The following PHC3 variants were observed in gnomAD, a reference collection of about 807,000 sequenced individuals.
The protein encoded by PHC3 is polyhomeotic homolog 3.
A neutral mutation model predicts 107.4 loss-of-function variants in PHC3; 13 were observed. That is an observed-to-expected ratio of 0.12 (90% CI 0.08 to 0.19). The LOEUF is 0.19. Among genes scored for constraint, PHC3 ranks in the 10% least tolerant of loss-of-function variants. The pLI, the probability that PHC3 is intolerant of heterozygous loss-of-function variation, is 1.00. For synonymous variants in PHC3, 456 were observed against 427.4 expected (o/e 1.07, Z -0.83); for missense variants, 992 against 1,210.9 (o/e 0.82, Z 2.68).
chr3:170,150,806 A>G, intron 4 of PHC3: 1 of 324,700 alleles, frequency 3.1e-6, no homozygotes, highest in African/African-American at 2.3e-5. Context: ...GGTTGTATCT[A>G]TAAAGAGACA....
In PHC3 at chr3:170,092,762, C is replaced by T. The variant is rs1401342267; in HGVS notation, c.*4468G>A. On this transcript the variant is annotated 3_prime_UTR_variant, in exon 15 of 15. Coordinates refer to ENST00000495893, the MANE Select transcript of PHC3 (RefSeq NM_024947.4). ...TATTCTCCAACTGTAATAAAAGGTT[C>T]TCACCTTTTTCAGAAATCAAAAATC... The T allele has an allele frequency of 2.0e-5, 3 of 152,134 alleles. No individual in the cohort carries two copies. The highest frequency in any genetic ancestry group is 2.0e-4 in the Admixed American group (3 of 15,280). The allele number at this position is 152,134 out of a possible 1,614,324, so 9.4% of individuals were successfully genotyped here.
intron 9 of PHC3, 77 bp downstream of exon 9, chr3:170,122,514 A>T: frequency 6.8e-7 from 1 of 1,477,114 alleles, no homozygotes; most frequent in Middle Eastern, 1.8e-4. Flanking sequence ...AAAGGAGGAA[A>T]GGGAAAAAAA....
Position 170,106,935 on chromosome 3 carries a change from C to T in PHC3, c.2365G>A (p.Glu789Lys). ...CACTTGAGCAACTCACTGTCCATTT[C>T]TTCTAATGTCTCTAAAAAAGAAGGA... Reference protein sequence around the residue: ...EDMIAEETLEEMDSELLKCEF... With the variant: ...EDMIAEETLEKMDSELLKCEF... The change falls in exon 12 of 15, where the codon GAA (glutamate) becomes AAA (lysine). Residue 789 changes from glutamate (E) to lysine (K), a missense_variant. Around this residue, in one of 6 missense-constraint regions of PHC3, gnomAD observed 228 missense variants for 288.8 expected, o/e 0.79. Transcript: ENST00000495893. 6.3e-7 allele frequency: 1 copy of T among 1,587,140 alleles called. No homozygotes were observed.
chr3:170,126,928 T>G (rs1158302215), intron 8 of PHC3, among the ~76,000 whole-genome samples: 5 of 151,980 alleles, frequency 3.3e-5, no homozygotes, highest in African/African-American at 1.2e-4. Context: ...AAGTTTTTTT[T>G]TGTTTGTTTT....
At position 170,102,887 on chromosome 3, in the gene PHC3, C is replaced by T. The variant is rs1715749271; in HGVS notation, c.2516G>A (p.Arg839His). 7 of 1,613,434 alleles carry T rather than the reference C, an allele frequency of 4.3e-6. No individual in the cohort carries two copies. Among genetic ancestry groups the T allele is most frequent in the African/African-American group, 1.3e-5 (1 of 74,912 alleles). ...CCCAAGACTTTGATTATCAGGCTTACGATTCCAACGACTAAGTGCAAATTT... is the reference window on the plus strand; with the variant it reads ...CCCAAGACTTTGATTATCAGGCTTATGATTCCAACGACTAAGTGCAAATTT... ...SKKFALSRWN[R>H]KPDNQSLGHR... The change falls in exon 13 of 15, where the codon CGT becomes CAT. Residue 839 changes from arginine to histidine, a missense_variant. Arg to His is a conservative substitution (Grantham distance 29, BLOSUM62 0). Around this residue, in one of 6 missense-constraint regions of PHC3, gnomAD observed 228 missense variants for 288.8 expected, o/e 0.79. Coordinates refer to ENST00000495893, the MANE Select transcript of PHC3 (RefSeq NM_024947.4).
At chr3:170,176,864 C>A (rs1211567881) in intron 2 of PHC3, 1 of 452,090 alleles carries the variant, frequency 2.2e-6, no homozygotes, top group Admixed American at 2.5e-5. Context: ...AGTAGTCTCA[C>A]CCTCATTTTA....
At chr3:170,167,463 TAA>T (rs757443867) in intron 4 of PHC3, among the ~76,000 whole-genome samples, 15 of 152,206 alleles carry the variant, frequency 9.9e-5, no homozygotes, top group Non-Finnish European at 2.1e-4. Flanking sequence ...TTCATGTGTT[TAA>T]AAGTCAAAAC....
intron 4 of PHC3, among the ~76,000 whole-genome samples, chr3:170,154,139 T>A (rs1726501411): frequency 6.6e-6 from 1 of 152,200 alleles, no homozygotes; most frequent in Non-Finnish European, 1.5e-5. Flanking sequence ...TAATAATTTC[T>A]TTAAGGGTGG....
Position 170,096,741 on chromosome 3 carries a change from T to C in PHC3, c.*489A>G, listed in dbSNP as rs1224543704. On this transcript the variant is annotated 3_prime_UTR_variant, in exon 15 of 15. Transcript: ENST00000495893. The stretch of plus-strand genomic sequence containing the variant: ...AGCATATGTCTAAAAGACATGTTTT[T>C]TAAAATGTACACTGATTTCATACGA... 1.3e-5 allele frequency: 2 copies of C among 152,408 alleles called. No individual in the cohort carries two copies. The highest frequency in any genetic ancestry group is 3.8e-4 in the East Asian group (2 of 5,206). 9.4% of individuals were successfully genotyped at this position (152,408 alleles called of 1,614,324 possible).
intron 7 of PHC3, among the ~76,000 whole-genome samples, chr3:170,132,324 A>C (rs1224642259): frequency 6.6e-6 from 1 of 152,188 alleles, no homozygotes; most frequent in Non-Finnish European, 1.5e-5. Context: ...TGACTTGCCC[A>C]AAATCATCTG....
At position 170,181,716 on chromosome 3, in the gene PHC3, C is replaced by A. The variant is rs776005500; in HGVS notation, c.-1G>T. ...TAGTCACTCACTCCGCTTCCGCCATCTTCTCTCCTCCATCACTAACATGGG... is the reference window on the plus strand; with the variant it reads ...TAGTCACTCACTCCGCTTCCGCCATATTCTCTCCTCCATCACTAACATGGG... On this transcript the variant is annotated 5_prime_UTR_variant, in exon 1 of 15. Transcript: ENST00000495893. 1 of 1,613,108 alleles carries A rather than the reference C, an allele frequency of 6.2e-7. No individual in the cohort carries two copies. The highest frequency in any genetic ancestry group is 2.2e-5 in the East Asian group (1 of 44,858).
chr3:170,117,625 T>A, intron 9 of PHC3, 149 bp from the exon 10 acceptor site: 1 of 772,902 alleles, frequency 1.3e-6, no homozygotes, highest in Non-Finnish European at 2.0e-6. Context: ...ATTTAATCTG[T>A]ACAATAATCT....
At chr3:170,132,014 A>G (rs1481361762) in intron 7 of PHC3, among the ~76,000 whole-genome samples, 1 of 152,196 alleles carries the variant, frequency 6.6e-6, no homozygotes, top group Non-Finnish European at 1.5e-5. Flanking sequence ...ATAAGCACAT[A>G]TATTACAGAA....
In PHC3 at chr3:170,131,264, T is replaced by C. The variant is rs1048071524; in HGVS notation, c.920-1712A>G. On this transcript the variant is annotated intron_variant, in intron 7 of 14. Coordinates refer to ENST00000495893, the MANE Select transcript of PHC3 (RefSeq NM_024947.4). ...TCAGTCTTTTAAAACTGTGTTGATA[T>C]AGACTATGCTAAACAGTATTCAAAA... 2.4e-4 allele frequency among the ~76,000 whole-genome samples: 36 copies of C among 152,222 alleles called. No homozygotes were observed. The East Asian group carries it at 3.3e-3, about 14-fold the overall frequency.
intron 12 of PHC3, among the ~76,000 whole-genome samples, chr3:170,105,425 T>G (rs979029556): frequency 6.6e-6 from 1 of 152,242 alleles, no homozygotes; most frequent in African/African-American, 2.4e-5. Flanking sequence ...AAGTATATTT[T>G]GGAAATAACC....
chr3:170,177,053 CAACT>C, intron 2 of PHC3: 2 of 334,426 alleles, frequency 6.0e-6, no homozygotes, highest in Non-Finnish European at 1.2e-5. Context: ...TTTACTTTCT[CAACT>C]AAGTGACTTC....
chr3:170,172,706 G>C lies in PHC3; in HGVS notation c.187C>G (p.Gln63Glu). 1 of 1,601,284 alleles carries C rather than the reference G, an allele frequency of 6.2e-7. No homozygotes were observed. The highest frequency in any genetic ancestry group is 8.5e-7 in the Non-Finnish European group (1 of 1,171,788). ...GSDRHAVQVI[Q>E]QALHRPPSSA... Reference sequence around the variant, plus strand: ...CTGGGGGGCCGATGCAATGCCTGTTGAATTACCTGTGATAAGTCAATTGAA... The same window carrying C: ...CTGGGGGGCCGATGCAATGCCTGTTCAATTACCTGTGATAAGTCAATTGAA... The change falls in exon 3 of 15, where the codon CAA becomes GAA. Residue 63 changes from glutamine (Q) to glutamate (E), a missense_variant. By Grantham distance (29) the Gln-to-Glu change is conservative. This residue lies in a region of PHC3 where 161 missense variants were observed against 183.7 expected (regional missense o/e 0.88). Transcript: ENST00000495893.
Position 170,175,712 on chromosome 3 carries a change from C to CA in PHC3, c.181-3001dup, listed in dbSNP as rs538529980. 4.1e-4 allele frequency among the ~76,000 whole-genome samples: 62 copies of CA among 151,830 alleles called. 1 individual carries two copies. The South Asian group carries it at 0.013, about 32-fold the overall frequency. On this transcript the variant is annotated intron_variant, in intron 2 of 14. Coordinates refer to ENST00000495893, the MANE Select transcript of PHC3 (RefSeq NM_024947.4). Reference sequence around the variant, plus strand: ...GGCCGAGGCGGGCGGATTACCAGCTCAAGAGATTGAGACCATCCTGGCTAA... The same window carrying CA: ...GGCCGAGGCGGGCGGATTACCAGCTCAAAGAGATTGAGACCATCCTGGCTAA...
chr3:170,154,063 C>T (rs1213491851), intron 4 of PHC3, among the ~76,000 whole-genome samples: 1 of 152,164 alleles, frequency 6.6e-6, no homozygotes, highest in Non-Finnish European at 1.5e-5. Context: ...ACTATTCCCC[C>T]TCTTTGTTGC....
Sources: gnomAD v4.1 joint callset for allele counts (sites outside exome capture counted in the v4.1 genomes callset) on GRCh38, gnomAD v4.1.1 for gene constraint, gnomAD v4.1.1 regional missense constraint, MANE v1.5 for transcripts, NCBI Gene and HGNC (gene_info 2026-07-23, HGNC 2026-07-21) for gene names.